The following HLCS variants were observed in gnomAD, a reference collection of about 807,000 sequenced individuals.
HLCS encodes the protein biotin--protein ligase.
In HLCS, 53 loss-of-function variants were observed where a neutral mutation model predicts 75.0. That is an observed-to-expected ratio of 0.71 (90% CI 0.57 to 0.89). The LOEUF (loss-of-function observed/expected upper bound fraction) is 0.89. Among genes scored for constraint, HLCS ranks in the 40% least tolerant of loss-of-function variants. The pLI is 0.00. For synonymous variants in HLCS, 431 were observed against 428.6 expected, an observed-to-expected ratio of 1.01 and a Z score of -0.07; for missense variants, 966 against 1,074.0, an observed-to-expected ratio of 0.90 and a Z score of 1.41.
At chr21:36,868,202 G>A (rs1390730381) in intron 6 of HLCS, among the ~76,000 whole-genome samples, 2 of 145,014 alleles carry the variant, frequency 1.4e-5, no homozygotes, top group Non-Finnish European at 1.5e-5. Context: ...GAAGGGAAAA[G>A]GGAAGGGAAG....
At chr21:36,824,432 G>T (rs2061945345) in intron 6 of HLCS, among the ~76,000 whole-genome samples, 1 of 152,150 alleles carries the variant, frequency 6.6e-6, no homozygotes, top group African/African-American at 2.4e-5. Context: ...ACACACTGGG[G>T]CCTGTCAGAG....
At chr21:36,987,096 T>A (rs536456859) in intron 1 of HLCS, among the ~76,000 whole-genome samples, 2 of 152,246 alleles carry the variant, frequency 1.3e-5, no homozygotes, top group Non-Finnish European at 2.9e-5. Flanking sequence ...GTCTCTATCA[T>A]TCTTTGAGCA....
intron 1 of HLCS, among the ~76,000 whole-genome samples, chr21:36,975,698 G>A (rs559585584): frequency 2.5e-3 from 375 of 152,176 alleles, no homozygotes; most frequent in Non-Finnish European, 3.8e-3. Flanking sequence ...GCTGGAGCCC[G>A]GGAGTTCCAG....
intron 5 of HLCS, among the ~76,000 whole-genome samples, chr21:36,904,813 T>C (rs967559187): frequency 6.6e-6 from 1 of 152,150 alleles, no homozygotes; most frequent in Non-Finnish European, 1.5e-5. Context: ...ATAATACATG[T>C]AGGGAAAAGG....
upstream of HLCS, chr21:36,968,423 A>G (rs2068697556): frequency 6.6e-6 from 1 of 152,260 alleles, no homozygotes; most frequent in African/African-American, 2.4e-5. Context: ...GCATATAGCG[A>G]TAGATTTTTA....
chr21:36,967,183 G>A (rs573964021), upstream of HLCS, among the ~76,000 whole-genome samples: 1 of 152,236 alleles, frequency 6.6e-6, no homozygotes, highest in African/African-American at 2.4e-5. Context: ...CAGCACACCG[G>A]GAGTCCCAGA....
intron 1 of HLCS, among the ~76,000 whole-genome samples, chr21:36,986,117 A>G (rs1433335543): frequency 6.6e-6 from 1 of 152,038 alleles, no homozygotes; most frequent in African/African-American, 2.4e-5. Flanking sequence ...CTCTGCTGTT[A>G]TTGCGGGAGT....
At position 36,765,052 on chromosome 21, in the gene HLCS, A is replaced by G. The variant is rs1269928963; in HGVS notation, c.2081T>C (p.Val694Ala). Residue 694 changes from valine (V) to alanine (A), a missense_variant, in exon 8 of 11, where the codon GTG (valine) becomes GCG (alanine). Physicochemically the swap from Val to Ala is moderately conservative, Grantham distance 64. Coordinates refer to ENST00000674895, the MANE Select transcript of HLCS (RefSeq NM_001352514.2). ...RIPFVQHLMS[V>A]AVVEAVRSIP... ...GGACCTCACTGCTTCCACGACAGCC[A>G]CGGACATCAGATGCTGGACAAACGG... 6.2e-7 allele frequency: 1 copy of G among 1,614,128 alleles called. No individual in the cohort carries two copies. Among genetic ancestry groups the G allele is most frequent in the African/African-American group, 1.3e-5 (1 of 74,950 alleles).
At chr21:36,931,342 T>C (rs2066633674) in intron 4 of HLCS, among the ~76,000 whole-genome samples, 1 of 150,410 alleles carries the variant, frequency 6.6e-6, no homozygotes, top group Non-Finnish European at 1.5e-5. Flanking sequence ...AAAACCTAAT[T>C]GCTAGTGAGT....
intron 6 of HLCS, among the ~76,000 whole-genome samples, chr21:36,799,945 A>G (rs1328895000): frequency 2.0e-5 from 3 of 152,238 alleles, no homozygotes; most frequent in Non-Finnish European, 4.4e-5. Context: ...TAATAAGAAT[A>G]AAATGTAAAC....
chr21:36,801,052 C>G (rs959306726), intron 6 of HLCS, among the ~76,000 whole-genome samples: 2 of 152,180 alleles, frequency 1.3e-5, no homozygotes, highest in Non-Finnish European at 2.9e-5. Flanking sequence ...GTATTATGGA[C>G]ATTGTTCTGG....
chr21:36,794,343 G>GGTGTTCAA (rs1209624275), intron 6 of HLCS, among the ~76,000 whole-genome samples: 4 of 152,240 alleles, frequency 2.6e-5, no homozygotes, highest in Non-Finnish European at 5.9e-5. Flanking sequence ...CAAAGGATGG[G>GGTGTTCAA]GTGTTCAAGT....
At chr21:36,897,397 T>G (rs2065057828) in intron 5 of HLCS, among the ~76,000 whole-genome samples, 1 of 152,330 alleles carries the variant, frequency 6.6e-6, no homozygotes, top group African/African-American at 2.4e-5. Flanking sequence ...ATCTTACATC[T>G]TACATTCTCT....
chr21:36,940,165 G>C (rs923343984), intron 2 of HLCS, among the ~76,000 whole-genome samples: 1 of 152,130 alleles, frequency 6.6e-6, no homozygotes, highest in Non-Finnish European at 1.5e-5. Flanking sequence ...CTCAATTACC[G>C]ACAGCTGCTT....
At chr21:36,827,135 G>A (rs1035069505) in intron 6 of HLCS, among the ~76,000 whole-genome samples, 2 of 152,108 alleles carry the variant, frequency 1.3e-5, no homozygotes, top group Non-Finnish European at 2.9e-5. Context: ...AAATAGAGGT[G>A]CCTTGAAGAA....
chr21:36,929,704 C>G (rs1302514417), intron 5 of HLCS, among the ~76,000 whole-genome samples: 2 of 152,156 alleles, frequency 1.3e-5, no homozygotes, highest in Admixed American at 1.3e-4. Context: ...TTAGCAAGAA[C>G]CTACACCTGG....
At chr21:36,911,887 A>G (rs2065730888) in intron 5 of HLCS, among the ~76,000 whole-genome samples, 1 of 151,986 alleles carries the variant, frequency 6.6e-6, no homozygotes, top group Non-Finnish European at 1.5e-5. Flanking sequence ...CCTGACCAAC[A>G]TGGTGAAACC....
At chr21:36,901,176 G>A (rs2146352704) in intron 5 of HLCS, among the ~76,000 whole-genome samples, 1 of 152,262 alleles carries the variant, frequency 6.6e-6, no homozygotes, top group South Asian at 2.1e-4. Flanking sequence ...TCAGGAGGTG[G>A]AGGTTGCAGT....
chr21:36,782,234 C>T (rs1403572161), intron 6 of HLCS, among the ~76,000 whole-genome samples: 1 of 152,098 alleles, frequency 6.6e-6, no homozygotes, highest in Admixed American at 6.5e-5. Context: ...CACTGAAGTA[C>T]TCCTTCTGAG....
Sources: allele counts gnomAD v4.1 joint callset (sites outside exome capture counted in the v4.1 genomes callset), GRCh38; gene constraint gnomAD v4.1.1; transcripts MANE v1.5; gene names NCBI Gene and HGNC (gene_info 2026-07-23, HGNC 2026-07-21).